Variants in C4orf51 observed in about 807,000 individuals in gnomAD.
The protein encoded by C4orf51 is uncharacterized protein C4orf51.
Under a neutral mutation model 25.2 loss-of-function variants are expected in C4orf51, and 25 were observed. The ratio of observed to expected loss-of-function variants is 0.99; its 90% confidence interval spans 0.72 to 1.39. The LOEUF (loss-of-function observed/expected upper bound fraction) is 1.39. Among genes scored for constraint, C4orf51 ranks in the 40% most tolerant of loss-of-function variants. C4orf51 has a pLI of 0.00. For missense variants in C4orf51, 252 were observed against 239.6 expected (o/e 1.05, Z -0.34); for synonymous variants, 100 against 84.5 (o/e 1.18, Z -1.01).
rs934035198 is a variant in C4orf51, at chr4:145,740,141, G to T, written n.167+7522G>T. Among the ~76,000 whole-genome samples, 3 of 148,908 alleles carry T rather than the reference G, an allele frequency of 2.0e-5. No homozygotes were observed. The Admixed American group carries it at 2.1e-4, about 10-fold the overall frequency. ...TTGCCATCAGCATTTCTTCTTTTCT[G>T]GAATGTAAAGTTTCCTTCACTTTGT... is the stretch of plus-strand genomic sequence containing the variant. On this transcript the variant is annotated intron_variant and non_coding_transcript_variant, in intron 1 of 1. Transcript: ENST00000508981.
In C4orf51 at chr4:145,761,232, G is replaced by T; in HGVS notation, n.167-9756G>T. The T allele has an allele frequency of 1.6e-6, 2 of 1,289,890 alleles. No individual in the cohort carries two copies. The highest frequency in any genetic ancestry group is 2.0e-6 in the Non-Finnish European group (2 of 988,882). 79.9% of individuals were successfully genotyped at this position (1,289,890 alleles called of 1,614,324 possible). The stretch of plus-strand genomic sequence containing the variant: ...TGACGTGGCGGCTGAAGACGAAAGG[G>T]TGTGTGGTCTTGAACAGGCACTCTT... On this transcript the variant is annotated intron_variant and non_coding_transcript_variant, in intron 1 of 1. Transcript: ENST00000510096. This position sits in a 1 kb window ranked among gnomAD's most constrained non-coding sequence, Gnocchi z 6.8.
chr4:145,695,560 T>C (rs1729996262), intron 1 of C4orf51, among the ~76,000 whole-genome samples: 1 of 152,216 alleles, frequency 6.6e-6, no homozygotes, highest in Admixed American at 6.5e-5. Flanking sequence ...TATCCTCTTC[T>C]GTAGGTTGTC....
chr4:145,764,102 T>C (rs748282195), intron 1 of C4orf51, among the ~76,000 whole-genome samples: 3 of 152,238 alleles, frequency 2.0e-5, no homozygotes, highest in Admixed American at 6.5e-5. Context: ...AAAAGGTTTT[T>C]TCCCCCTTGT....
At position 145,732,577 on chromosome 4, in the gene C4orf51, A is replaced by C; in HGVS notation, c.*17A>C. On this transcript the variant is annotated 3_prime_UTR_variant, in exon 6 of 6. Coordinates refer to ENST00000438731, the MANE Select transcript of C4orf51 (RefSeq NM_001080531.3). The stretch of plus-strand genomic sequence containing the variant: ...TTTAACTGAGTTGGAAAATGAAGCC[A>C]CAAGGCTGGAGGCGTGGAGTTTGCT... 2 of 1,573,716 alleles carry C rather than the reference A, an allele frequency of 1.3e-6. No individual in the cohort carries two copies. The highest frequency in any genetic ancestry group is 8.7e-7 in the Non-Finnish European group (1 of 1,148,512).
At chr4:145,694,516 G>A (rs1490946902) in intron 1 of C4orf51, among the ~76,000 whole-genome samples, 11 of 44,344 alleles carry the variant, frequency 2.5e-4, no homozygotes, top group African/African-American at 9.1e-4. Context: ...TCGGCCCCCC[G>A]CCCGGCCAGC....
At chr4:145,700,972 G>A (rs927703564) in intron 2 of C4orf51, among the ~76,000 whole-genome samples, 1 of 152,136 alleles carries the variant, frequency 6.6e-6, no homozygotes, top group Non-Finnish European at 1.5e-5. Flanking sequence ...CATAGTCGAG[G>A]TTAATGCTCC....
In C4orf51 at chr4:145,729,877, A is replaced by G; in HGVS notation, c.428-15A>G. ...TATCGCAAACACTCACACATTGGCT[A>G]TCTCTTCACCCTAGGTGTGAGACCT... On this transcript the variant is annotated splice_polypyrimidine_tract_variant and intron_variant, in intron 4 of 5. Coordinates refer to ENST00000438731, the MANE Select transcript of C4orf51 (RefSeq NM_001080531.3). The G allele has an allele frequency of 6.2e-7, 1 of 1,610,134 alleles. No individual in the cohort carries two copies. The highest frequency in any genetic ancestry group is 8.5e-7 in the Non-Finnish European group (1 of 1,176,420).
At position 145,761,685 on chromosome 4, in the gene C4orf51, C is replaced by T; in HGVS notation, n.167-9303C>T. 1 of 827,992 alleles carries T rather than the reference C, an allele frequency of 1.2e-6. No homozygotes were observed. The highest frequency in any genetic ancestry group is 1.7e-6 in the Non-Finnish European group (1 of 599,402). The allele number at this position is 827,992 out of a possible 1,614,324, so 51.3% of individuals were successfully genotyped here. ...TCGCCGCCTCACCAGCCTTCCCTCACACCACCCCCCAGTGTCTGAGGCCTG... is the reference window on the plus strand; with the variant it reads ...TCGCCGCCTCACCAGCCTTCCCTCATACCACCCCCCAGTGTCTGAGGCCTG... On this transcript the variant is annotated intron_variant and non_coding_transcript_variant, in intron 1 of 1. Transcript: ENST00000510096. This position sits in a 1 kb window ranked among gnomAD's most constrained non-coding sequence, Gnocchi z 6.8.
intron 2 of C4orf51, among the ~76,000 whole-genome samples, chr4:145,715,397 C>T (rs1320346693): frequency 1.3e-5 from 2 of 152,164 alleles, no homozygotes; most frequent in Non-Finnish European, 1.5e-5. Context: ...GTGTCTCGCA[C>T]AGCTAGAGGA....
intron 1 of C4orf51, among the ~76,000 whole-genome samples, chr4:145,769,601 C>T (rs1350127358): frequency 6.6e-6 from 1 of 152,160 alleles, no homozygotes; most frequent in Non-Finnish European, 1.5e-5. Context: ...AATGTGTAAT[C>T]CCTAGTCCAA....
intron 2 of C4orf51, among the ~76,000 whole-genome samples, chr4:145,710,075 G>A (rs141524350): frequency 1.3e-5 from 2 of 152,288 alleles, no homozygotes; most frequent in African/African-American, 4.8e-5. Flanking sequence ...GCAGTGGAAC[G>A]TACCTGAGTC....
At chr4:145,780,709 A>G in the C4orf51 span, among the ~76,000 whole-genome samples, 2 of 152,262 alleles carry the variant, frequency 1.3e-5, no homozygotes, top group Non-Finnish European at 2.9e-5. Context: ...TTCTAAAAGG[A>G]CACTTGAATG....
chr4:145,739,090 G>T (rs535384277), intron 1 of C4orf51, among the ~76,000 whole-genome samples: 1 of 152,164 alleles, frequency 6.6e-6, no homozygotes. Context: ...ATGCTCTAAA[G>T]TCTTGCTGTT....
At chr4:145,719,800 C>G (rs191655155) in intron 2 of C4orf51, among the ~76,000 whole-genome samples, 171 of 152,252 alleles carry the variant, frequency 1.1e-3, no homozygotes, top group African/African-American at 3.8e-3. Flanking sequence ...AAAGGAGATA[C>G]AGCCAGGCAA....
chr4:145,751,777 A>G (rs1238172993), intron 1 of C4orf51, among the ~76,000 whole-genome samples: 1 of 152,228 alleles, frequency 6.6e-6, no homozygotes, highest in East Asian at 1.9e-4. Flanking sequence ...TTCAGGAGTC[A>G]GGGCCTGGAG....
At chr4:145,702,018 A>G (rs10013815) in intron 2 of C4orf51, among the ~76,000 whole-genome samples, 94,611 of 151,662 alleles carry the variant, frequency 0.62, 30,794 homozygotes, top group African/African-American at 0.82. Context: ...CCTGGCAACC[A>G]ATCACATGCC....
chr4:145,764,901 A>G (rs755593929), intron 1 of C4orf51: 1 of 1,596,212 alleles, frequency 6.3e-7, no homozygotes, highest in Non-Finnish European at 8.6e-7. Context: ...ATGACTCCCA[A>G]AACCTTCACG....
chr4:145,693,288 C>G (rs1253543089), intron 1 of C4orf51, among the ~76,000 whole-genome samples: 1 of 150,868 alleles, frequency 6.6e-6, no homozygotes, highest in Non-Finnish European at 1.5e-5. Context: ...TCTTGCACCG[C>G]CCTTAATCCA....
chr4:145,769,852 A>G (rs1289979127), intron 1 of C4orf51, among the ~76,000 whole-genome samples: 1 of 152,252 alleles, frequency 6.6e-6, no homozygotes, highest in Non-Finnish European at 1.5e-5. Context: ...ACAATTTTAA[A>G]CAGCACAAAT....
Sources: gnomAD v4.1 joint callset for allele counts (sites outside exome capture counted in the v4.1 genomes callset) on GRCh38, gnomAD v4.1.1 for gene constraint, Gnocchi (gnomAD v3.1) non-coding constraint, MANE v1.5 for transcripts, NCBI Gene and HGNC (gene_info 2026-07-23, HGNC 2026-07-21) for gene names.